The following JAKMIP2 variants were observed in gnomAD, a reference collection of about 807,000 sequenced individuals.
The protein encoded by JAKMIP2 is janus kinase and microtubule-interacting protein 2.
In JAKMIP2, 25 loss-of-function variants were observed where a neutral mutation model predicts 115.0. That is an observed-to-expected ratio of 0.22 (90% CI 0.16 to 0.30). The LOEUF is 0.30. Ranked by LOEUF, JAKMIP2 falls within the 10% of genes least tolerant of loss-of-function variation. The pLI is 1.00. For synonymous variants in JAKMIP2, 334 were observed against 343.6 expected (o/e 0.97, Z 0.31); for missense variants, 642 against 957.6 (o/e 0.67, Z 4.35).
chr5:147,685,948 A>G (rs1760547879), intron 1 of JAKMIP2, among the ~76,000 whole-genome samples: 1 of 152,172 alleles, frequency 6.6e-6, no homozygotes, highest in African/African-American at 2.4e-5. Flanking sequence ...TATGGTGGGA[A>G]GCAAAACACA....
chr5:147,650,300 G>T, intron 4 of JAKMIP2, 38 bp downstream of exon 4: 1 of 1,283,410 alleles, frequency 7.8e-7, no homozygotes, highest in South Asian at 1.2e-5. Flanking sequence ...AATAAAAGAT[G>T]ACTTGTGCAT....
rs1754515975 is a variant in JAKMIP2, at chr5:147,750,633, GT to G, written c.-149+31822del. 2.0e-5 allele frequency among the ~76,000 whole-genome samples: 3 copies of G among 151,250 alleles called. No homozygotes were observed. The South Asian group carries it at 6.3e-4, about 32-fold the overall frequency. On this transcript the variant is annotated intron_variant, in intron 1 of 21. Coordinates refer to ENST00000616793, the MANE Select transcript of JAKMIP2 (RefSeq NM_001270941.2). Reference sequence around the variant, plus strand: ...TTACATGAAATTGCAGCATTTGAAGGTTTCTATTATGAACTGCACTGTGTTT... The same window carrying G: ...TTACATGAAATTGCAGCATTTGAAGGTTCTATTATGAACTGCACTGTGTTT...
In JAKMIP2 at chr5:147,670,987, A is replaced by G. The variant is rs1223007549; in HGVS notation, c.129+691T>C. ...AATAGGCTATGGGGAGTACCTGACAATGGGGAAGTGTTCTGTTTTAGAGAC... is the reference window on the plus strand; with the variant it reads ...AATAGGCTATGGGGAGTACCTGACAGTGGGGAAGTGTTCTGTTTTAGAGAC... On this transcript the variant is annotated intron_variant, in intron 2 of 21. Transcript: ENST00000616793. Among the ~76,000 whole-genome samples, 3 of 152,182 alleles carry G rather than the reference A, an allele frequency of 2.0e-5. No homozygotes were observed. The East Asian group carries it at 5.8e-4, about 29-fold the overall frequency.
intron 10 of JAKMIP2, among the ~76,000 whole-genome samples, chr5:147,638,134 T>C (rs1171741698): frequency 6.6e-6 from 1 of 152,212 alleles, no homozygotes; most frequent in Non-Finnish European, 1.5e-5. Flanking sequence ...TTTTATCTTT[T>C]GTTTTCAACG....
intron 18 of JAKMIP2, among the ~76,000 whole-genome samples, chr5:147,619,523 T>C (rs1482896121): frequency 6.6e-6 from 1 of 151,992 alleles, no homozygotes; most frequent in Non-Finnish European, 1.5e-5. Flanking sequence ...CAGGAAAGCA[T>C]TATAAAAACC....
At chr5:147,714,585 T>G (rs1752897939) in intron 1 of JAKMIP2, among the ~76,000 whole-genome samples, 2 of 152,306 alleles carry the variant, frequency 1.3e-5, no homozygotes, top group South Asian at 4.1e-4. Context: ...AAATTTTTTT[T>G]AGAATTGATG....
At chr5:147,687,626 G>A (rs1252059190) in intron 1 of JAKMIP2, among the ~76,000 whole-genome samples, 4 of 152,148 alleles carry the variant, frequency 2.6e-5, no homozygotes. Context: ...ACATGCAGAA[G>A]GAGGAGAGAA....
At chr5:147,614,342 G>T (rs1756471841) in intron 19 of JAKMIP2, among the ~76,000 whole-genome samples, 1 of 152,212 alleles carries the variant, frequency 6.6e-6, no homozygotes, top group Non-Finnish European at 1.5e-5. Context: ...TAAGCATGGA[G>T]AAGGTGTCCA....
In JAKMIP2 at chr5:147,650,478, A is replaced by T. The variant is rs1235120854; in HGVS notation, c.697T>A (p.Tyr233Asn). Reference sequence around the variant, plus strand: ...TTCTGAAGTTGGAGTTTCTGTACATAGCCTGTCTGGGTCTCCAGTTCCTTT... The same window carrying T: ...TTCTGAAGTTGGAGTTTCTGTACATTGCCTGTCTGGGTCTCCAGTTCCTTT... ...LEKELETQTG[Y>N]VQKLQLQKEA... Residue 233 changes from tyrosine to asparagine, a missense_variant, in exon 4 of 22, where the codon TAT becomes AAT. Physicochemically the swap from Tyr to Asn is moderately radical, Grantham distance 143. Transcript: ENST00000616793. 2.5e-6 allele frequency: 4 copies of T among 1,613,782 alleles called. No homozygotes were observed. The highest frequency in any genetic ancestry group is 2.5e-6 in the Non-Finnish European group (3 of 1,179,884).
intron 1 of JAKMIP2, among the ~76,000 whole-genome samples, chr5:147,745,257 G>A (rs1021095695): frequency 2.0e-5 from 3 of 152,070 alleles, no homozygotes; most frequent in African/African-American, 7.2e-5. Context: ...ATATTAACCA[G>A]TGCAAGAAAA....
intron 20 of JAKMIP2, among the ~76,000 whole-genome samples, chr5:147,602,183 CTCTT>C (rs1755731100): frequency 6.6e-6 from 1 of 152,172 alleles, no homozygotes; most frequent in Non-Finnish European, 1.5e-5. Flanking sequence ...ATATCACTGT[CTCTT>C]TCATGCACAA....
At chr5:147,679,350 C>T (rs754774496) in intron 1 of JAKMIP2, among the ~76,000 whole-genome samples, 2 of 152,144 alleles carry the variant, frequency 1.3e-5, no homozygotes, top group Admixed American at 1.3e-4. Flanking sequence ...AATGTAGCCA[C>T]GTGGTCAAGA....
intron 12 of JAKMIP2, 108 bp from the exon 13 acceptor site, chr5:147,632,886 G>GA (rs1313838340): frequency 3.8e-5 from 25 of 650,360 alleles, no homozygotes; most frequent in Admixed American, 5.4e-5. Flanking sequence ...TCCAGACCAT[G>GA]AAAAAAAATC....
At chr5:147,667,916 C>T (rs959472899) in intron 2 of JAKMIP2, among the ~76,000 whole-genome samples, 2 of 152,154 alleles carry the variant, frequency 1.3e-5, no homozygotes, top group South Asian at 4.1e-4. Flanking sequence ...AGACAGTGAG[C>T]ATTACCTTGA....
rs550097123 is a variant in JAKMIP2 at position 147,724,985 on chromosome 5, C to A, written c.-148-53031G>T. 9.2e-5 allele frequency among the ~76,000 whole-genome samples: 14 copies of A among 151,826 alleles called. No individual in the cohort carries two copies. The South Asian group carries it at 2.9e-3, about 32-fold the overall frequency. On this transcript the variant is annotated intron_variant, in intron 1 of 21. Coordinates refer to ENST00000616793, the MANE Select transcript of JAKMIP2 (RefSeq NM_001270941.2). ...TAACAGATGAAATAGGAGGTCAGCACAAGATACAGGTCACAAAGACCTTGC... is the reference window on the plus strand; with the variant it reads ...TAACAGATGAAATAGGAGGTCAGCAAAAGATACAGGTCACAAAGACCTTGC...
intron 1 of JAKMIP2, among the ~76,000 whole-genome samples, chr5:147,703,467 G>A (rs1752451813): frequency 6.6e-6 from 1 of 152,132 alleles, no homozygotes. Context: ...TAAGTGAGTG[G>A]TGAGTGAACG....
chr5:147,626,536 G>A (rs1473487196), intron 16 of JAKMIP2, among the ~76,000 whole-genome samples: 1 of 152,138 alleles, frequency 6.6e-6, no homozygotes, highest in East Asian at 1.9e-4. Flanking sequence ...ACCTTAGGCA[G>A]TTATCTACCT....
intron 2 of JAKMIP2, among the ~76,000 whole-genome samples, chr5:147,671,067 C>A (rs929534874): frequency 6.6e-6 from 1 of 152,130 alleles, no homozygotes; most frequent in Non-Finnish European, 1.5e-5. Flanking sequence ...AGTGAAGGAG[C>A]ATGGAGCTGT....
chr5:147,779,799 C>A (rs1428269877), intron 1 of JAKMIP2, among the ~76,000 whole-genome samples: 4 of 152,080 alleles, frequency 2.6e-5, no homozygotes, highest in Non-Finnish European at 4.4e-5. Flanking sequence ...AAGAGAAGTT[C>A]TTGAGAAGGA....
Sources: gnomAD v4.1 joint callset for allele counts (sites outside exome capture counted in the v4.1 genomes callset) on GRCh38, gnomAD v4.1.1 for gene constraint, MANE v1.5 for transcripts, NCBI Gene and HGNC (gene_info 2026-07-23, HGNC 2026-07-21) for gene names.